FBXL17: variants seen among roughly 807,000 people sequenced by gnomAD.
FBXL17 encodes F-box and leucine rich repeat protein 17, also known as F-box/LRR-repeat protein 17.
In FBXL17, 22 loss-of-function variants were observed where a neutral mutation model predicts 66.2. That is an observed-to-expected ratio of 0.33 (90% CI 0.24 to 0.47). The LOEUF is 0.47. Ranked by LOEUF, FBXL17 falls within the 20% of genes least tolerant of loss-of-function variation. FBXL17 has a pLI of 1.00. For missense variants in FBXL17, 878 were observed against 948.2 expected (o/e 0.93, Z 0.97); for synonymous variants, 474 against 400.5 (o/e 1.18, Z -2.19).
At chr5:107,951,495 G>A (rs1751496341) in intron 7 of FBXL17, among the ~76,000 whole-genome samples, 1 of 152,186 alleles carries the variant, frequency 6.6e-6, no homozygotes, top group Non-Finnish European at 1.5e-5. Context: ...GGGCCTAGTG[G>A]GCCTGGTGCT....
chr5:108,327,944 T>C (rs888376093), intron 4 of FBXL17, among the ~76,000 whole-genome samples: 1 of 152,112 alleles, frequency 6.6e-6, no homozygotes, highest in East Asian at 1.9e-4. Context: ...CAAAATAGAT[T>C]ATATCGTCTC....
At chr5:108,231,567 G>C (rs1340098490) in intron 4 of FBXL17, among the ~76,000 whole-genome samples, 2 of 152,008 alleles carry the variant, frequency 1.3e-5, no homozygotes, top group African/African-American at 4.8e-5. Context: ...TCCTGTTCCC[G>C]CAACAGTACA....
In FBXL17 at chr5:108,381,968, T is replaced by C. The variant is rs892950113; in HGVS notation, c.-277A>G. On this transcript the variant is annotated 5_prime_UTR_variant, in exon 1 of 9. Coordinates refer to ENST00000542267, the MANE Select transcript of FBXL17 (RefSeq NM_001163315.3). Reference sequence around the variant, plus strand: ...ACGCGAGGGAGGGAGCGAGCGAGCCTGCCGGCTAGGCGACCAGTCCGGGCC... The same window carrying C: ...ACGCGAGGGAGGGAGCGAGCGAGCCCGCCGGCTAGGCGACCAGTCCGGGCC... The C allele has an allele frequency of 1.6e-6, 2 of 1,218,584 alleles. No individual in the cohort carries two copies. Among genetic ancestry groups the C allele is most frequent in the Non-Finnish European group, 2.0e-6 (2 of 976,880 alleles). The allele number at this position is 1,218,584 out of a possible 1,614,324, so 75.5% of individuals were successfully genotyped here.
chr5:108,111,755 C>A (rs1044348925), intron 6 of FBXL17, among the ~76,000 whole-genome samples: 1 of 152,220 alleles, frequency 6.6e-6, no homozygotes. Context: ...TCTGTATTTC[C>A]AATAATTAAT....
intron 5 of FBXL17, among the ~76,000 whole-genome samples, chr5:108,187,531 CAGG>C (rs943917123): frequency 3.3e-5 from 5 of 151,882 alleles, no homozygotes; most frequent in African/African-American, 1.2e-4. Context: ...TGGAAGATAA[CAGG>C]AGATGTTTCA....
rs138782944 is a variant in FBXL17, at chr5:108,237,573, C to T, written c.1507-13345G>A. Among the ~76,000 whole-genome samples the T allele has an allele frequency of 2.4e-4, 36 of 152,196 alleles. No homozygotes were observed. In the East Asian group the frequency reaches 6.8e-3, roughly 29 times the overall value. ...TATGAGCTTAATGGACTTTAATATC[C>T]CCTTGAGTTCCAACAGATTGCAGGT... On this transcript the variant is annotated intron_variant, in intron 4 of 8. Coordinates refer to ENST00000542267, the MANE Select transcript of FBXL17 (RefSeq NM_001163315.3).
chr5:107,949,050 T>G (rs1751408148), intron 7 of FBXL17, among the ~76,000 whole-genome samples: 1 of 151,888 alleles, frequency 6.6e-6, no homozygotes, highest in African/African-American at 2.4e-5. Context: ...GCACTTGGGG[T>G]CAAAGATCAA....
chr5:107,995,504 A>G (rs1452042267), intron 7 of FBXL17, among the ~76,000 whole-genome samples: 1 of 152,134 alleles, frequency 6.6e-6, no homozygotes, highest in Non-Finnish European at 1.5e-5. Flanking sequence ...GACTTATTTG[A>G]GAGAGGACAA....
At chr5:108,006,159 G>A (rs926835684) in intron 7 of FBXL17, among the ~76,000 whole-genome samples, 43 of 152,134 alleles carry the variant, frequency 2.8e-4, no homozygotes, top group African/African-American at 1.0e-3. Context: ...TTTGGTTTTA[G>A]GTCTATATGT....
intron 6 of FBXL17, among the ~76,000 whole-genome samples, chr5:108,161,589 T>C (rs755356836): frequency 5.3e-5 from 8 of 152,320 alleles, no homozygotes; most frequent in Non-Finnish European, 1.2e-4. Flanking sequence ...GGTTAGACCT[T>C]CCTCATCAGC....
intron 7 of FBXL17, among the ~76,000 whole-genome samples, chr5:108,005,129 G>C (rs969391964): frequency 1.3e-5 from 2 of 149,030 alleles, no homozygotes; most frequent in Non-Finnish European, 2.9e-5. Context: ...CTGTCATTTG[G>C]AGACCAGACT....
intron 6 of FBXL17, among the ~76,000 whole-genome samples, chr5:108,166,616 A>T (rs909072260): frequency 1.3e-5 from 2 of 152,238 alleles, no homozygotes; most frequent in African/African-American, 2.4e-5. Flanking sequence ...ATATGAAAAA[A>T]ACATGGTAAA....
chr5:108,031,858 G>A (rs1746657796), intron 6 of FBXL17, among the ~76,000 whole-genome samples: 1 of 152,130 alleles, frequency 6.6e-6, no homozygotes, highest in Non-Finnish European at 1.5e-5. Context: ...CTGTGTGTGT[G>A]TGTTTAGAAC....
intron 6 of FBXL17, among the ~76,000 whole-genome samples, chr5:108,078,499 T>C (rs1187234171): frequency 6.6e-6 from 1 of 152,198 alleles, no homozygotes; most frequent in Non-Finnish European, 1.5e-5. Context: ...CAAAGCTGTC[T>C]TTTGTGAGGG....
intron 8 of FBXL17, among the ~76,000 whole-genome samples, chr5:107,877,787 T>C (rs766131373): frequency 2.6e-5 from 4 of 151,998 alleles, no homozygotes; most frequent in African/African-American, 9.7e-5. Flanking sequence ...TGGGTTTTCT[T>C]GGTGGTTAGC....
chr5:108,259,879 T>A (rs1756737106), intron 4 of FBXL17, among the ~76,000 whole-genome samples: 1 of 152,158 alleles, frequency 6.6e-6, no homozygotes, highest in African/African-American at 2.4e-5. Context: ...AAACCTAGGC[T>A]AAGTTGAAAT....
At chr5:108,144,152 A>T (rs567346372) in intron 6 of FBXL17, among the ~76,000 whole-genome samples, 11 of 152,284 alleles carry the variant, frequency 7.2e-5, no homozygotes, top group Admixed American at 2.6e-4. Flanking sequence ...ATCTTAACTT[A>T]AAAAGAGGTT....
At chr5:108,034,308 T>C (rs950909325) in intron 6 of FBXL17, among the ~76,000 whole-genome samples, 3 of 152,202 alleles carry the variant, frequency 2.0e-5, no homozygotes, top group African/African-American at 7.2e-5. Flanking sequence ...AGCATCAGGC[T>C]TTTCATTTAA....
At chr5:107,886,993 G>T (rs1285514273) in intron 7 of FBXL17, among the ~76,000 whole-genome samples, 1 of 151,608 alleles carries the variant, frequency 6.6e-6, no homozygotes, top group East Asian at 1.9e-4. Context: ...ACCATGTGGG[G>T]TCCTGAGTTA....
Sources: allele counts gnomAD v4.1 joint callset (sites outside exome capture counted in the v4.1 genomes callset), GRCh38; gene constraint gnomAD v4.1.1; transcripts MANE v1.5; gene names NCBI Gene and HGNC (gene_info 2026-07-23, HGNC 2026-07-21).